VTI1A: variants seen among roughly 807,000 people sequenced by gnomAD.
VTI1A encodes the protein vesicle transport through interaction with t-SNAREs 1A.
Under a neutral mutation model 34.9 loss-of-function variants are expected in VTI1A, and 22 were observed. That is an observed-to-expected ratio of 0.63 (90% CI 0.45 to 0.90). The LOEUF (loss-of-function observed/expected upper bound fraction) is 0.90. Ranked by LOEUF, VTI1A falls within the 40% of genes least tolerant of loss-of-function variation. VTI1A has a pLI of 0.00. For synonymous variants in VTI1A, 87 were observed against 97.3 expected, an observed-to-expected ratio of 0.89 and a Z score of 0.62; for missense variants, 268 against 275.6, an observed-to-expected ratio of 0.97 and a Z score of 0.20.
intron 7 of VTI1A, among the ~76,000 whole-genome samples, chr10:112,694,305 G>A (rs984017094): frequency 5.9e-5 from 9 of 152,090 alleles, no homozygotes; most frequent in African/African-American, 2.2e-4. Context: ...AGGGACTGAA[G>A]CTTATTTTGC....
rs899301987 is a variant in VTI1A, at chr10:112,818,453, C to CT, written c.*3079dup. On this transcript the variant is annotated 3_prime_UTR_variant, in exon 8 of 8. Transcript: ENST00000393077. ...CTGTCTTTCTCTCCCTCTCTTTCTC[C>CT]TTTTTTTTTGCACATCTTTTCTTTA... The CT allele has an allele frequency of 9.2e-4, 210 of 227,478 alleles. No homozygotes were observed. The highest frequency in any genetic ancestry group is 2.6e-3 in the Middle Eastern group (2 of 756). The allele number at this position is 227,478 out of a possible 1,614,324, so 14.1% of individuals were successfully genotyped here.
Position 112,707,052 on chromosome 10 carries a change from T to C in VTI1A, c.560+38054T>C, listed in dbSNP as rs182820612. The stretch of plus-strand genomic sequence containing the variant: ...GTTTAAAAACTATTACTTTCATATT[T>C]ATTATTGAATATTTTGAAAATTCAG... On this transcript the variant is annotated intron_variant, in intron 7 of 7. Transcript: ENST00000393077. Among the ~76,000 whole-genome samples, 7 of 152,328 alleles carry C rather than the reference T, an allele frequency of 4.6e-5. No homozygotes were observed. In the East Asian group the frequency reaches 1.4e-3, roughly 29 times the overall value.
chr10:112,676,960 C>G (rs1167181321), intron 7 of VTI1A, among the ~76,000 whole-genome samples: 1 of 152,170 alleles, frequency 6.6e-6, no homozygotes, highest in African/African-American at 2.4e-5. Context: ...CTGGTGGAGA[C>G]AGCTCTTGCC....
chr10:112,567,179 C>G (rs1164185268), intron 5 of VTI1A, among the ~76,000 whole-genome samples: 1 of 152,048 alleles, frequency 6.6e-6, no homozygotes, highest in African/African-American at 2.4e-5. Flanking sequence ...ACAAGCACAG[C>G]CCACCATGCC....
intron 5 of VTI1A, among the ~76,000 whole-genome samples, chr10:112,564,489 T>C (rs565191022): frequency 6.6e-6 from 1 of 152,206 alleles, no homozygotes; most frequent in Admixed American, 6.5e-5. Context: ...ACAGTTAAGT[T>C]GTAGTGTCAC....
intron 4 of VTI1A, among the ~76,000 whole-genome samples, chr10:112,532,544 G>A (rs4439449): frequency 0.13 from 19,462 of 151,936 alleles, 1,440 homozygotes; most frequent in East Asian, 0.26. Flanking sequence ...ACACCCACAC[G>A]TACACACAAT....
At chr10:112,661,764 G>GTTTTT (rs34974968) in intron 5 of VTI1A, among the ~76,000 whole-genome samples, 4 of 105,936 alleles carry the variant, frequency 3.8e-5, no homozygotes, top group Non-Finnish European at 5.5e-5. Flanking sequence ...CTGCTGTTAA[G>GTTTTT]TTTTTTTTTT....
At chr10:112,713,022 T>G (rs1849481049) in intron 7 of VTI1A, among the ~76,000 whole-genome samples, 1 of 152,172 alleles carries the variant, frequency 6.6e-6, no homozygotes, top group African/African-American at 2.4e-5. Context: ...CAGTTCCTGA[T>G]ATAGGACCCC....
At chr10:112,549,189 CAATT>C (rs1193607155) in intron 5 of VTI1A, among the ~76,000 whole-genome samples, 1 of 152,172 alleles carries the variant, frequency 6.6e-6, no homozygotes, top group African/African-American at 2.4e-5. Flanking sequence ...GAGCTGTTAT[CAATT>C]AAGGTAGAAG....
chr10:112,649,051 A>G (rs982105022), intron 5 of VTI1A, among the ~76,000 whole-genome samples: 1 of 152,114 alleles, frequency 6.6e-6, no homozygotes, highest in African/African-American at 2.4e-5. Context: ...GGGATTTGCC[A>G]GTGATAAATG....
At chr10:112,618,518 T>TAGAGAGAGAGAGAGAGAGAGAG (rs1229141246) in intron 5 of VTI1A, among the ~76,000 whole-genome samples, 10 of 47,460 alleles carry the variant, frequency 2.1e-4, no homozygotes, top group South Asian at 8.5e-4. Flanking sequence ...TATATATATA[T>TAGAGAGAGAGAGAGAGAGAGAG]ATATATAGAG....
intron 3 of VTI1A, among the ~76,000 whole-genome samples, 163 bp from the exon 4 acceptor site, chr10:112,526,924 T>C (rs945445885): frequency 6.6e-6 from 1 of 152,208 alleles, no homozygotes; most frequent in Admixed American, 6.5e-5. Context: ...ATGAAACTTA[T>C]GAAGTTCAGG....
At chr10:112,776,031 T>G (rs1054594028) in intron 7 of VTI1A, among the ~76,000 whole-genome samples, 2 of 152,214 alleles carry the variant, frequency 1.3e-5, no homozygotes, top group Non-Finnish European at 2.9e-5. Context: ...CTGGCAAACC[T>G]CCAGTGAGAG....
chr10:112,736,895 T>C, intron 7 of VTI1A: 1 of 719,716 alleles, frequency 1.4e-6, no homozygotes, highest in East Asian at 2.7e-5. Flanking sequence ...TGGAAGTATT[T>C]ATAGATGCGC....
chr10:112,774,598 T>G lies in VTI1A; in HGVS notation c.561-40692T>G, dbSNP rs1187939368. On this transcript the variant is annotated intron_variant, in intron 7 of 7. Coordinates refer to ENST00000393077, the MANE Select transcript of VTI1A (RefSeq NM_145206.4). ...TTTAGAAATAAGTTTAGGGTGATGA[T>G]TTTAAGTTCCACCTTTTTTTTTTAA... is the stretch of plus-strand genomic sequence containing the variant. Among the ~76,000 whole-genome samples, 6 of 151,970 alleles carry G rather than the reference T, an allele frequency of 3.9e-5. No individual in the cohort carries two copies. The South Asian group carries it at 8.3e-4, about 21-fold the overall frequency.
intron 7 of VTI1A, among the ~76,000 whole-genome samples, chr10:112,712,967 G>A (rs895671526): frequency 6.6e-6 from 1 of 152,130 alleles, no homozygotes; most frequent in Non-Finnish European, 1.5e-5. Context: ...GAATGCTGGG[G>A]CCACATTCCA....
intron 3 of VTI1A, among the ~76,000 whole-genome samples, chr10:112,501,492 T>C (rs975441025): frequency 6.6e-6 from 1 of 152,092 alleles, no homozygotes; most frequent in East Asian, 1.9e-4. Context: ...AAGAAAGAAA[T>C]GAAAGAAGTA....
chr10:112,590,761 T>C (rs1844358054), intron 5 of VTI1A, among the ~76,000 whole-genome samples: 2 of 152,156 alleles, frequency 1.3e-5, no homozygotes, highest in African/African-American at 4.8e-5. Flanking sequence ...ACAGAAGGTA[T>C]ATGCCCAAGA....
At chr10:112,468,857 C>T (rs138275140) in intron 3 of VTI1A, among the ~76,000 whole-genome samples, 1,594 of 152,262 alleles carry the variant, frequency 0.01, 20 homozygotes, top group African/African-American at 0.037. Context: ...TCAGAGTTAT[C>T]GTTAATTTTT....
Sources: allele counts gnomAD v4.1 joint callset (sites outside exome capture counted in the v4.1 genomes callset), GRCh38; gene constraint gnomAD v4.1.1; transcripts MANE v1.5; gene names NCBI Gene and HGNC (gene_info 2026-07-23, HGNC 2026-07-21).